The following MCC variants were observed in gnomAD, a reference collection of about 807,000 sequenced individuals.
MCC encodes MCC regulator of Wnt signaling pathway, also known as colorectal mutant cancer protein.
MCC carries 90 observed loss-of-function variants against 116.2 expected under a neutral mutation model. That is an observed-to-expected ratio of 0.77 (90% CI 0.65 to 0.92). The LOEUF (loss-of-function observed/expected upper bound fraction) is 0.92. Ranked by LOEUF, MCC falls within the 40% of genes least tolerant of loss-of-function variation. The pLI is 0.00. For missense variants in MCC, 1,516 were observed against 1,312.2 expected (o/e 1.16, Z -2.40); for synonymous variants, 578 against 510.5 (o/e 1.13, Z -1.78).
intron 2 of MCC, among the ~76,000 whole-genome samples, chr5:113,340,968 C>T (rs1315424565): frequency 2.6e-5 from 4 of 152,128 alleles, no homozygotes; most frequent in African/African-American, 9.7e-5. Flanking sequence ...ATATGTGCTC[C>T]CTAAACAGAA....
At chr5:113,467,367 T>G (rs1481953590) in intron 1 of MCC, among the ~76,000 whole-genome samples, 1 of 151,538 alleles carries the variant, frequency 6.6e-6, no homozygotes, top group Non-Finnish European at 1.5e-5. Context: ...TTGTATAAGG[T>G]GTAAGGAAGG....
chr5:113,347,984 T>G (rs1008433894), intron 2 of MCC, among the ~76,000 whole-genome samples: 2 of 152,084 alleles, frequency 1.3e-5, no homozygotes, highest in African/African-American at 4.8e-5. Flanking sequence ...AATAAGCTCA[T>G]TATATAATGA....
intron 3 of MCC, among the ~76,000 whole-genome samples, chr5:113,276,053 A>G (rs1472474118): frequency 2.6e-5 from 4 of 150,946 alleles, no homozygotes; most frequent in Admixed American, 6.6e-5. Context: ...CACAGGTGGC[A>G]AGAATCTCAA....
rs192535825 is a variant in MCC, at chr5:113,145,969, G to T, written c.742-2609C>A. On this transcript the variant is annotated intron_variant, in intron 4 of 18. Transcript: ENST00000408903. ...TGGTGATTCAGTCAGATGGAATAGG[G>T]CTTGTAGCTAAAGGAAAAAAAGACT... Among the ~76,000 whole-genome samples the T allele has an allele frequency of 2.4e-4, 36 of 152,266 alleles. 1 individual carries two copies. The highest frequency in any genetic ancestry group is 7.7e-4 in the African/African-American group (32 of 41,546).
intron 16 of MCC, 64 bp from the exon 17 acceptor site, chr5:113,043,694 C>A (rs1383483843): frequency 1.6e-6 from 2 of 1,213,054 alleles, no homozygotes; most frequent in Non-Finnish European, 2.4e-6. Flanking sequence ...TGGAAGCCTG[C>A]AGCAGAGCGC....
At chr5:113,063,066 T>G (rs556193054) in intron 14 of MCC, among the ~76,000 whole-genome samples, 1 of 152,342 alleles carries the variant, frequency 6.6e-6, no homozygotes, top group South Asian at 2.1e-4. Flanking sequence ...GGTTTCCCTC[T>G]TATCACCAGG....
intron 2 of MCC, among the ~76,000 whole-genome samples, chr5:113,353,002 T>C (rs977100318): frequency 6.6e-6 from 1 of 152,186 alleles, no homozygotes; most frequent in African/African-American, 2.4e-5. Context: ...TGGCTTTTCA[T>C]ATGCCTGTTC....
chr5:113,228,170 G>T (rs538681232), intron 3 of MCC, among the ~76,000 whole-genome samples: 15 of 152,324 alleles, frequency 9.8e-5, no homozygotes, highest in African/African-American at 3.6e-4. Context: ...TACAGGGCCT[G>T]CTATGGCTTG....
At chr5:113,384,086 T>C (rs528654125) in intron 2 of MCC, among the ~76,000 whole-genome samples, 1 of 152,304 alleles carries the variant, frequency 6.6e-6, no homozygotes, top group Non-Finnish European at 1.5e-5. Context: ...CTTTTTATTA[T>C]GTAAAATCTC....
chr5:113,162,024 AGAG>A (rs1760513508), intron 3 of MCC, among the ~76,000 whole-genome samples: 1 of 150,826 alleles, frequency 6.6e-6, no homozygotes, highest in Admixed American at 6.6e-5. Flanking sequence ...AAGCACCAGG[AGAG>A]GAGGAGACAC....
intron 1 of MCC, among the ~76,000 whole-genome samples, chr5:113,486,913 T>G (rs1204558487): frequency 1.3e-5 from 2 of 151,704 alleles, no homozygotes; most frequent in East Asian, 3.9e-4. Context: ...ACCTTTCAAG[T>G]AGGAAAACAA....
At chr5:113,098,032 T>C (rs1756141730) in intron 8 of MCC, among the ~76,000 whole-genome samples, 2 of 152,204 alleles carry the variant, frequency 1.3e-5, no homozygotes, top group Non-Finnish European at 2.9e-5. Context: ...TGCAGAAGAA[T>C]TCTGTAAATC....
At chr5:113,230,055 T>C (rs1262471739) in intron 3 of MCC, among the ~76,000 whole-genome samples, 5 of 152,204 alleles carry the variant, frequency 3.3e-5, no homozygotes, top group Non-Finnish European at 5.9e-5. Context: ...AATTGAAATC[T>C]TCATATGATT....
intron 5 of MCC, among the ~76,000 whole-genome samples, chr5:113,133,896 T>A (rs1758631093): frequency 1.3e-5 from 2 of 152,210 alleles, no homozygotes; most frequent in Non-Finnish European, 2.9e-5. Context: ...TACGTCTTCT[T>A]TTGAGCAATG....
At chr5:113,309,926 C>A (rs528336963) in intron 3 of MCC, among the ~76,000 whole-genome samples, 16 of 150,808 alleles carry the variant, frequency 1.1e-4, no homozygotes, top group African/African-American at 3.9e-4. Context: ...TCTTCCCTCC[C>A]TCCCTCCCTC....
intron 1 of MCC, among the ~76,000 whole-genome samples, chr5:113,460,704 G>A (rs1771720333): frequency 6.6e-6 from 1 of 152,198 alleles, no homozygotes. Flanking sequence ...TATAAATGCA[G>A]TCTGTCATGT....
chr5:113,219,526 T>C (rs1482249639), intron 3 of MCC, among the ~76,000 whole-genome samples: 2 of 152,226 alleles, frequency 1.3e-5, no homozygotes, highest in East Asian at 1.9e-4. Context: ...ATCTCAAAAA[T>C]AGATGATTTT....
At position 113,257,386 on chromosome 5, in the gene MCC, C is replaced by T. The variant is rs375215035; in HGVS notation, c.627+83133G>A. 9.3e-4 allele frequency among the ~76,000 whole-genome samples: 141 copies of T among 151,976 alleles called. 1 individual carries two copies. The highest frequency in any genetic ancestry group is 3.2e-3 in the African/African-American group (132 of 41,450). ...AGGAACCCAGGAATAATGGGGCAGA[C>T]GGAGCAACAGGAGACAGGAAGGAAA... is the stretch of plus-strand genomic sequence containing the variant. On this transcript the variant is annotated intron_variant, in intron 3 of 18. Transcript: ENST00000408903.
intron 1 of MCC, among the ~76,000 whole-genome samples, chr5:113,387,379 G>C (rs998918438): frequency 1.3e-5 from 2 of 152,094 alleles, no homozygotes; most frequent in Non-Finnish European, 2.9e-5. Flanking sequence ...TTTCATATAA[G>C]ACCTACCTGA....
Sources: gnomAD v4.1 joint callset for allele counts (sites outside exome capture counted in the v4.1 genomes callset) on GRCh38, gnomAD v4.1.1 for gene constraint, MANE v1.5 for transcripts, NCBI Gene and HGNC (gene_info 2026-07-23, HGNC 2026-07-21) for gene names.